The following STX2 variants were observed in gnomAD, a reference collection of about 807,000 sequenced individuals.
The protein encoded by STX2 is syntaxin 2.
A neutral mutation model predicts 40.6 loss-of-function variants in STX2; 27 were observed. The ratio of observed to expected loss-of-function variants is 0.66; its 90% CI spans 0.49 to 0.92. The LOEUF (loss-of-function observed/expected upper bound fraction) is 0.92. Among genes scored for constraint, STX2 ranks in the 40% least tolerant of loss-of-function variants. STX2 has a pLI of 0.00. For synonymous variants in STX2, 123 were observed against 119.1 expected (o/e 1.03, Z -0.22); for missense variants, 328 against 366.1 (o/e 0.90, Z 0.85).
intron 6 of STX2, among the ~76,000 whole-genome samples, chr12:130,806,724 C>CT (rs1489869578): frequency 6.6e-6 from 1 of 152,192 alleles, no homozygotes; most frequent in Non-Finnish European, 1.5e-5. Flanking sequence ...GAGGAAATGA[C>CT]TGAGCACTCT....
In STX2 at chr12:130,829,223, C is replaced by T. The variant is rs184178816; in HGVS notation, c.31-1956G>A. Among the ~76,000 whole-genome samples, 41 of 152,312 alleles carry T rather than the reference C, an allele frequency of 2.7e-4. No individual in the cohort carries two copies. In the Middle Eastern group the frequency reaches 0.01, roughly 38 times the overall value. ...GCCAGGTCTGACTTTACAAAACTTC[C>T]CATCTTAACAACTGTACTATTACCA... On this transcript the variant is annotated intron_variant, in intron 1 of 10. Coordinates refer to ENST00000392373, the MANE Select transcript of STX2 (RefSeq NM_194356.4).
intron 1 of STX2, among the ~76,000 whole-genome samples, chr12:130,827,994 T>C (rs1169333408): frequency 3.9e-5 from 6 of 152,284 alleles, no homozygotes; most frequent in East Asian, 1.9e-4. Flanking sequence ...AGAACGACCA[T>C]TGATCAGGAG....
At chr12:130,826,245 C>T (rs1183553900) in intron 2 of STX2, among the ~76,000 whole-genome samples, 1 of 152,244 alleles carries the variant, frequency 6.6e-6, no homozygotes, top group Admixed American at 6.5e-5. Context: ...GAGCCACGCA[C>T]ACCTGACCCC....
In STX2 at chr12:130,807,047, T is replaced by A. The variant is rs780781708; in HGVS notation, c.398A>T (p.Tyr133Phe). ...SRKFVEAMAE[Y>F]NEAQTLFRER... ...CCGAAACAGAGTCTGTGCCTCATTG[T>A]ACTCCGCCATGGCTTCCACAAACTT... Residue 133 changes from tyrosine to phenylalanine, a missense_variant, in exon 6 of 11, where the codon TAC becomes TTC. Physicochemically the swap from Tyr to Phe is conservative, Grantham distance 22 (BLOSUM62 3). Coordinates refer to ENST00000392373, the MANE Select transcript of STX2 (RefSeq NM_194356.4). 6.2e-7 allele frequency: 1 copy of A among 1,614,254 alleles called. No homozygotes were observed. Among genetic ancestry groups the A allele is most frequent in the Non-Finnish European group, 8.5e-7 (1 of 1,180,042 alleles).
chr12:130,821,137 G>A (rs1941835684), intron 3 of STX2, among the ~76,000 whole-genome samples: 1 of 152,216 alleles, frequency 6.6e-6, no homozygotes, highest in African/African-American at 2.4e-5. Context: ...TCACTCTCCT[G>A]TGTGCCTCAG....
At chr12:130,812,535 C>G (rs1438892784) in intron 4 of STX2, 1 of 283,702 alleles carries the variant, frequency 3.5e-6, no homozygotes, top group Non-Finnish European at 6.9e-6. Flanking sequence ...TGTTTTCTAC[C>G]AAATCGAGAA....
At chr12:130,799,172 T>C (rs1393087573) in intron 8 of STX2, among the ~76,000 whole-genome samples, 2 of 152,248 alleles carry the variant, frequency 1.3e-5, no homozygotes, top group Non-Finnish European at 2.9e-5. Context: ...TATTACCTGG[T>C]TGTCTGTCCA....
intron 3 of STX2, among the ~76,000 whole-genome samples, chr12:130,815,394 C>T (rs1159728580): frequency 1.3e-5 from 2 of 152,308 alleles, no homozygotes; most frequent in East Asian, 3.9e-4. Context: ...GGTGTTCGTG[C>T]GCGTGTGAGA....
At chr12:130,825,775 G>A (rs1326454063) in intron 2 of STX2, among the ~76,000 whole-genome samples, 1 of 152,198 alleles carries the variant, frequency 6.6e-6, no homozygotes, top group African/African-American at 2.4e-5. Context: ...GGCCAGATGA[G>A]GCTGCTGAGT....
chr12:130,820,276 T>C (rs895314816), intron 3 of STX2, among the ~76,000 whole-genome samples: 14 of 152,226 alleles, frequency 9.2e-5, no homozygotes, highest in African/African-American at 3.4e-4. Flanking sequence ...CTACAGAGAA[T>C]ATCAGAATTA....
chr12:130,800,430 G>T (rs575886836), intron 8 of STX2, among the ~76,000 whole-genome samples: 35 of 152,042 alleles, frequency 2.3e-4, no homozygotes, highest in Admixed American at 8.5e-4. Context: ...CCTCCCAGAG[G>T]AGTTTTCTAT....
chr12:130,797,770 C>G (rs1593114752), intron 9 of STX2, among the ~76,000 whole-genome samples: 1 of 152,182 alleles, frequency 6.6e-6, no homozygotes, highest in South Asian at 2.1e-4. Context: ...TTCCCTGAAC[C>G]CTTTTTAATG....
At chr12:130,808,086 G>T (rs965355439) in intron 5 of STX2, among the ~76,000 whole-genome samples, 1 of 152,180 alleles carries the variant, frequency 6.6e-6, no homozygotes, top group Non-Finnish European at 1.5e-5. Context: ...ACAGGACAAA[G>T]ACAAGACTAG....
At chr12:130,795,504 C>T (rs1031086565) in intron 10 of STX2, among the ~76,000 whole-genome samples, 3 of 152,164 alleles carry the variant, frequency 2.0e-5, no homozygotes, top group African/African-American at 7.2e-5. Context: ...AATCCCAGCA[C>T]TTTGGGAGGC....
chr12:130,818,999 AAAT>A lies in STX2; in HGVS notation c.205+2687_205+2689del, dbSNP rs560316198. Among the ~76,000 whole-genome samples the A allele has an allele frequency of 4.4e-3, 670 of 152,386 alleles. 9 individuals are homozygous for A. The highest frequency in any genetic ancestry group is 0.016 in the African/African-American group (647 of 41,596). On this transcript the variant is annotated intron_variant, in intron 3 of 10. Coordinates refer to ENST00000392373, the MANE Select transcript of STX2 (RefSeq NM_194356.4). ...GCTCTTTTAATACAAAAGAAAAAAG[AAAT>A]AATACAAAAGTAGAAAGTGAAAAAA...
chr12:130,817,177 C>A (rs1951891773), intron 3 of STX2, among the ~76,000 whole-genome samples: 1 of 150,312 alleles, frequency 6.7e-6, no homozygotes, highest in Non-Finnish European at 1.5e-5. Context: ...GAGGCACCAG[C>A]TAATAAAGTT....
At chr12:130,792,786 A>C (rs189497490) in intron 10 of STX2, among the ~76,000 whole-genome samples, 49 of 152,338 alleles carry the variant, frequency 3.2e-4, no homozygotes, top group Non-Finnish European at 5.7e-4. Flanking sequence ...TTTACATTTA[A>C]ATATGACAAA....
intron 1 of STX2, among the ~76,000 whole-genome samples, chr12:130,836,550 A>C (rs1188885193): frequency 1.3e-5 from 2 of 152,218 alleles, no homozygotes; most frequent in African/African-American, 4.8e-5. Context: ...CTGGGACTAC[A>C]AGTGAAAGCC....
intron 2 of STX2, 126 bp downstream of exon 2, chr12:130,827,064 AGGG>A: frequency 1.9e-6 from 1 of 539,310 alleles, no homozygotes. Flanking sequence ...GAAGAAAGGA[AGGG>A]AGGGAGGGAG....
Sources: allele counts gnomAD v4.1 joint callset (sites outside exome capture counted in the v4.1 genomes callset), GRCh38; gene constraint gnomAD v4.1.1; transcripts MANE v1.5; gene names NCBI Gene and HGNC (gene_info 2026-07-23, HGNC 2026-07-21).